The following TEX261 variants were observed in gnomAD, a reference collection of about 807,000 sequenced individuals.
TEX261 encodes protein TEX261.
A neutral mutation model predicts 25.1 loss-of-function variants in TEX261; 13 were observed. The ratio of observed to expected loss-of-function variants is 0.52; its 90% CI spans 0.34 to 0.82. The LOEUF (loss-of-function observed/expected upper bound fraction) is 0.82. Ranked by LOEUF, TEX261 falls within the 40% of genes least tolerant of loss-of-function variation. TEX261 has a pLI of 0.02. For missense variants in TEX261, 206 were observed against 243.2 expected (o/e 0.85, Z 1.02); for synonymous variants, 92 against 97.8 (o/e 0.94, Z 0.35).
chr2:70,993,660 G>C lies in TEX261; in HGVS notation c.150+36C>G, dbSNP rs782462506. Reference sequence around the variant, plus strand: ...TTCCTGCTTTTGAGGCAGGGCAAAAGAGTGAGGAGGACTCCTGGAGAAAGA... The same window carrying C: ...TTCCTGCTTTTGAGGCAGGGCAAAACAGTGAGGAGGACTCCTGGAGAAAGA... On this transcript the variant is annotated intron_variant, in intron 2 of 5. Transcript: ENST00000272438. 4.5e-6 allele frequency: 7 copies of C among 1,559,706 alleles called. No individual in the cohort carries two copies. In the Admixed American group the frequency reaches 1.2e-4, roughly 26 times the overall value.
chr2:70,991,533 C>G (rs1670298525), intron 3 of TEX261, among the ~76,000 whole-genome samples: 1 of 152,198 alleles, frequency 6.6e-6, no homozygotes, highest in Non-Finnish European at 1.5e-5. Flanking sequence ...TGGAACTGCT[C>G]AGTTGGGGGC....
At position 70,989,812 on chromosome 2, in the gene TEX261, T is replaced by C; in HGVS notation, c.309A>G (p.Leu103=). 1.2e-6 allele frequency: 2 copies of C among 1,610,922 alleles called. No individual in the cohort carries two copies. The highest frequency in any genetic ancestry group is 1.7e-6 in the Non-Finnish European group (2 of 1,177,074). The change falls in exon 4 of 6, where the codon CTA becomes CTG. Residue 103 remains leucine, a synonymous_variant. Transcript: ENST00000272438. Reference sequence around the variant, plus strand: ...ATGCTAGGTAATGATTCACCACCACTAGTCCTGTTGAGGGAATGAAGAGTC... The same window carrying C: ...ATGCTAGGTAATGATTCACCACCACCAGTCCTGTTGAGGGAATGAAGAGTC... ...TSPNFILSCG[L]VVVNHYLAFQ...
chr2:70,989,272 A>G (rs1670255148), intron 4 of TEX261: 1 of 548,006 alleles, frequency 1.8e-6, no homozygotes, highest in African/African-American at 1.9e-5. Context: ...CCTGGACTGA[A>G]GGAGGCAGAC....
chr2:70,986,966 G>A lies in TEX261; in HGVS notation c.*1634C>T, dbSNP rs887936834. 6.6e-6 allele frequency: 1 copy of A among 152,500 alleles called. No individual in the cohort carries two copies. Among genetic ancestry groups the A allele is most frequent in the African/African-American group, 2.4e-5 (1 of 41,450 alleles). 9.4% of individuals were successfully genotyped at this position (152,500 alleles called of 1,614,324 possible). Reference sequence around the variant, plus strand: ...GAGGTGCCAGGGAAGTGCCATCCAAGAAGCAAGGGGTGATCAGCCATGTCA... The same window carrying A: ...GAGGTGCCAGGGAAGTGCCATCCAAAAAGCAAGGGGTGATCAGCCATGTCA... On this transcript the variant is annotated 3_prime_UTR_variant, in exon 6 of 6. Transcript: ENST00000272438.
rs550714489 is a variant in TEX261 at position 70,988,777 on chromosome 2, T to C, written c.476-62A>G. 5.2e-6 allele frequency: 8 copies of C among 1,525,006 alleles called. No homozygotes were observed. The South Asian group carries it at 5.6e-5, about 11-fold the overall frequency. 94.5% of individuals were successfully genotyped at this position (1,525,006 alleles called of 1,614,324 possible). A position where few individuals can be genotyped will look rare whatever the true frequency, so the allele number is the denominator to read the frequency against. ...GAGTGTGTGTGTGTGTGTGCGCATG[T>C]GTGTGAACACGGCCCTCCCAACCCC... On this transcript the variant is annotated intron_variant, in intron 5 of 5. Transcript: ENST00000272438.
chr2:70,988,278 G>A lies in TEX261; in HGVS notation c.*322C>T. On this transcript the variant is annotated 3_prime_UTR_variant, in exon 6 of 6. Transcript: ENST00000272438. ...TCACCATCTGCTCTTAAGCTTCACA[G>A]ACCCTGCCCTGCCTGCCCCAGCGGG... 3.2e-6 allele frequency: 1 copy of A among 311,296 alleles called. No homozygotes were observed. Among genetic ancestry groups the A allele is most frequent in the South Asian group, 4.2e-5 (1 of 23,660 alleles). 19.3% of individuals were successfully genotyped at this position (311,296 alleles called of 1,614,324 possible). A position where few individuals can be genotyped will look rare whatever the true frequency, so the allele number is the denominator to read the frequency against.
rs1553425685 is a variant in TEX261 at position 70,991,981 on chromosome 2, G to C, written c.153C>G (p.Phe51Leu). 3.8e-6 allele frequency: 6 copies of C among 1,593,540 alleles called. No individual in the cohort carries two copies. The highest frequency in any genetic ancestry group is 5.1e-6 in the Non-Finnish European group (6 of 1,169,324). Residue 51 changes from phenylalanine (F) to leucine (L), a missense_variant and splice_region_variant, in exon 3 of 6, where the codon TTC (phenylalanine) becomes TTG (leucine). Phe to Leu is a conservative substitution (Grantham distance 22). Transcript: ENST00000272438. ...TSRIIKYMIWFSTAVLIGLYV... is the reference protein window; with the variant it reads ...TSRIIKYMIWLSTAVLIGLYV... The stretch of plus-strand genomic sequence containing the variant: ...AGAGGCCAATCAGTACAGCGGTGGA[G>C]AACTGAAACAACCAGAGGCAGACAG...
intron 2 of TEX261, 136 bp downstream of exon 2, chr2:70,993,560 G>C: frequency 1.3e-6 from 1 of 758,800 alleles, no homozygotes; most frequent in East Asian, 2.5e-5. Flanking sequence ...CAGCGTTCAG[G>C]GCAAGGAGGT....
chr2:70,991,734 A>G, intron 3 of TEX261, 96 bp downstream of exon 3: 1 of 1,457,164 alleles, frequency 6.9e-7, no homozygotes, highest in East Asian at 2.5e-5. Context: ...GGACTTCAAC[A>G]GCTGGCTTCC....
chr2:70,989,165 T>C, intron 4 of TEX261, 148 bp from the exon 5 acceptor site: 1 of 673,780 alleles, frequency 1.5e-6, no homozygotes. Context: ...AACGCCACCC[T>C]CAGACATGGA....
Position 70,988,565 on chromosome 2 carries a change from C to T in TEX261, c.*35G>A, listed in dbSNP as rs1553425178. Reference sequence around the variant, plus strand: ...ATAGAGGCCCAGGGGCCTGACTCTCCTGATCTTGCCCCCCACATCCTGCCT... The same window carrying T: ...ATAGAGGCCCAGGGGCCTGACTCTCTTGATCTTGCCCCCCACATCCTGCCT... On this transcript the variant is annotated 3_prime_UTR_variant, in exon 6 of 6. Transcript: ENST00000272438. 2 of 1,550,892 alleles carry T rather than the reference C, an allele frequency of 1.3e-6. No homozygotes were observed. The highest frequency in any genetic ancestry group is 1.7e-4 in the Middle Eastern group (1 of 5,908).
rs1670383307 is a variant in TEX261 at position 70,994,863 on chromosome 2, G to A, written c.-106C>T. 11 of 1,205,946 alleles carry A rather than the reference G, an allele frequency of 9.1e-6. No individual in the cohort carries two copies. Among genetic ancestry groups the A allele is most frequent in the East Asian group, 4.0e-5 (1 of 25,044 alleles). 74.7% of individuals were successfully genotyped at this position (1,205,946 alleles called of 1,614,324 possible). ...GCCGCCGCCGCCGCGTCCCCGCCCCGCGGACGACAGGACGACGGTGCGCCG... is the reference window on the plus strand; with the variant it reads ...GCCGCCGCCGCCGCGTCCCCGCCCCACGGACGACAGGACGACGGTGCGCCG... On this transcript the variant is annotated 5_prime_UTR_variant, in exon 1 of 6. Transcript: ENST00000272438.
At chr2:70,989,368 T>C in intron 4 of TEX261, 1 of 426,428 alleles carries the variant, frequency 2.3e-6, no homozygotes, top group South Asian at 2.5e-5. Flanking sequence ...AGCAGCAGGG[T>C]GTGGAGAAAT....
intron 4 of TEX261, 119 bp downstream of exon 4, chr2:70,989,630 C>T (rs555697914): frequency 4.0e-6 from 3 of 757,850 alleles, no homozygotes; most frequent in African/African-American, 3.5e-5. Flanking sequence ...TTTTTTCAAA[C>T]ATGTAATCCT....
chr2:70,992,947 T>C (rs1054988240), intron 2 of TEX261, among the ~76,000 whole-genome samples: 9 of 152,148 alleles, frequency 5.9e-5, no homozygotes, highest in Non-Finnish European at 8.8e-5. Flanking sequence ...CAAATGACAG[T>C]TGGCTGAATG....
chr2:70,988,803 G>A lies in TEX261; in HGVS notation c.476-88C>T, dbSNP rs1332466866. ...GTGTGAACACGGCCCTCCCAACCCC[G>A]AGTCCAGGTGTCTCCAACACAGGGC... On this transcript the variant is annotated intron_variant, in intron 5 of 5. Transcript: ENST00000272438. 14 of 1,506,190 alleles carry A rather than the reference G, an allele frequency of 9.3e-6. No individual in the cohort carries two copies. The African/African-American group carries it at 1.4e-4, about 15-fold the overall frequency. The allele number at this position is 1,506,190 out of a possible 1,614,324, so 93.3% of individuals were successfully genotyped here.
At chr2:70,993,815 C>T (rs1553425922) in intron 1 of TEX261, 40 bp from the exon 2 acceptor site, 8 of 1,522,354 alleles carry the variant, frequency 5.3e-6, no homozygotes, top group Non-Finnish European at 7.3e-6. Flanking sequence ...GCCAGGGTCA[C>T]TCCCACCATC....
chr2:70,991,941 A>G lies in TEX261; in HGVS notation c.193T>C (p.Phe65Leu). The part of the protein sequence containing the change: ...VLIGLYVFER[F>L]PTSMIGVGLF... ...CCCACTCCAATCATGCTGGTGGGGAAGCGCTCAAAGACGTAGAGGCCAATC... is the reference window on the plus strand; with the variant it reads ...CCCACTCCAATCATGCTGGTGGGGAGGCGCTCAAAGACGTAGAGGCCAATC... The change falls in exon 3 of 6, where the codon TTC (phenylalanine) becomes CTC (leucine). Residue 65 changes from phenylalanine (F) to leucine (L), a missense_variant. Coordinates refer to ENST00000272438, the MANE Select transcript of TEX261 (RefSeq NM_144582.3). 2 of 1,613,286 alleles carry G rather than the reference A, an allele frequency of 1.2e-6. No individual in the cohort carries two copies. The highest frequency in any genetic ancestry group is 2.2e-5 in the South Asian group (2 of 90,966).
At chr2:70,993,819 C>A in intron 1 of TEX261, 44 bp from the exon 2 acceptor site, 1 of 1,504,546 alleles carries the variant, frequency 6.6e-7, no homozygotes, top group Non-Finnish European at 9.2e-7. Context: ...GGGTCACTCC[C>A]ACCATCCTGG....
Sources: allele counts gnomAD v4.1 joint callset (sites outside exome capture counted in the v4.1 genomes callset), GRCh38; gene constraint gnomAD v4.1.1; transcripts MANE v1.5; gene names NCBI Gene and HGNC (gene_info 2026-07-23, HGNC 2026-07-21).